MAP2K5: variants seen among roughly 807,000 people sequenced by gnomAD.
MAP2K5 encodes the protein dual specificity mitogen-activated protein kinase kinase 5.
MAP2K5 carries 49 observed loss-of-function variants against 83.1 expected under a neutral mutation model. That is an observed-to-expected ratio of 0.59 (90% CI 0.47 to 0.75). The LOEUF (loss-of-function observed/expected upper bound fraction) is 0.75. Among genes scored for constraint, MAP2K5 ranks in the 30% least tolerant of loss-of-function variants. The probability of loss-of-function intolerance (pLI) is 0.00; values close to 1 mark genes in which losing one functional copy is unlikely to be tolerated. For missense variants in MAP2K5, 457 were observed against 557.5 expected (o/e 0.82, Z 1.82); for synonymous variants, 202 against 191.8 (o/e 1.05, Z -0.44).
At position 67,738,166 on chromosome 15, in the gene MAP2K5, G is replaced by A. The variant is rs1396133619; in HGVS notation, c.1075-10065G>A. 6.6e-6 allele frequency among the ~76,000 whole-genome samples: 1 copy of A among 152,088 alleles called. No homozygotes were observed. The highest frequency in any genetic ancestry group is 1.5e-5 in the Non-Finnish European group (1 of 67,990). On this transcript the variant is annotated intron_variant, in intron 17 of 21. Coordinates refer to ENST00000178640, the MANE Select transcript of MAP2K5 (RefSeq NM_145160.3). The surrounding 1 kb of genome is among the most constrained non-coding windows in gnomAD (Gnocchi z 4.1). ...TGCACTTGGCCTAGAATAGTCTTAT[G>A]AGAGAAGAAGCTATTGGCCTACAGG...
At chr15:67,589,176 C>G (rs1041028087) in intron 6 of MAP2K5, among the ~76,000 whole-genome samples, 8 of 151,976 alleles carry the variant, frequency 5.3e-5, no homozygotes, top group African/African-American at 1.9e-4. Flanking sequence ...TTTTGGATAG[C>G]TTAGGTCACC....
rs984070474 is a variant in MAP2K5 at position 67,786,871 on chromosome 15, C to T, written c.1242+14119C>T. Reference sequence around the variant, plus strand: ...AATAAATGGTAACCATTTTTATCGTCATTGTCATCATCATCACTGCTAATA... The same window carrying T: ...AATAAATGGTAACCATTTTTATCGTTATTGTCATCATCATCACTGCTAATA... On this transcript the variant is annotated intron_variant, in intron 21 of 21. Coordinates refer to ENST00000178640, the MANE Select transcript of MAP2K5 (RefSeq NM_145160.3). This position sits in a 1 kb window ranked among gnomAD's most constrained non-coding sequence, Gnocchi z 4.7. Among the ~76,000 whole-genome samples, 5 of 152,348 alleles carry T rather than the reference C, an allele frequency of 3.3e-5. No individual in the cohort carries two copies. The East Asian group carries it at 9.6e-4, about 29-fold the overall frequency.
At chr15:67,766,210 G>A (rs185725405) in intron 19 of MAP2K5, among the ~76,000 whole-genome samples, 1 of 152,310 alleles carries the variant, frequency 6.6e-6, no homozygotes, top group Non-Finnish European at 1.5e-5. Flanking sequence ...CCCTTCAGCA[G>A]AACTCTAAAG....
chr15:67,718,729 A>G (rs2088885927), intron 16 of MAP2K5, among the ~76,000 whole-genome samples: 1 of 152,108 alleles, frequency 6.6e-6, no homozygotes, highest in African/African-American at 2.4e-5. Context: ...ATGCTACTGC[A>G]CTCCAGCTTG....
In MAP2K5 at chr15:67,780,012, C is replaced by T. The variant is rs912688452; in HGVS notation, c.1242+7260C>T. 2.0e-5 allele frequency among the ~76,000 whole-genome samples: 3 copies of T among 152,164 alleles called. No individual in the cohort carries two copies. The highest frequency in any genetic ancestry group is 6.5e-5 in the Admixed American group (1 of 15,276). ...CTCCCCTCCCCTGGAAGGTCTTGGT[C>T]CTCCTCCCTGCGGCTTTTCCCTACT... is the stretch of plus-strand genomic sequence containing the variant. On this transcript the variant is annotated intron_variant, in intron 21 of 21. Transcript: ENST00000178640. The surrounding 1 kb of genome is among the most constrained non-coding windows in gnomAD (Gnocchi z 5.0).
intron 19 of MAP2K5, among the ~76,000 whole-genome samples, chr15:67,751,165 G>A (rs1038594450): frequency 2.0e-4 from 30 of 152,088 alleles, no homozygotes; most frequent in African/African-American, 6.8e-4. Context: ...GCCAGAGTTA[G>A]CTACCAGATG....
At chr15:67,571,616 A>G (rs189221509) in intron 3 of MAP2K5, among the ~76,000 whole-genome samples, 101 of 151,718 alleles carry the variant, frequency 6.7e-4, no homozygotes, top group Admixed American at 2.8e-3. Context: ...TTTTTCAAGT[A>G]CTTTTTAAGA....
At chr15:67,771,959 C>A (rs1288809487) in intron 20 of MAP2K5, among the ~76,000 whole-genome samples, 1 of 152,246 alleles carries the variant, frequency 6.6e-6, no homozygotes, top group East Asian at 1.9e-4. Context: ...CCCACAGTCA[C>A]CTCCATCCCA....
intron 7 of MAP2K5, among the ~76,000 whole-genome samples, chr15:67,599,021 C>A (rs1596625017): frequency 6.6e-6 from 1 of 152,204 alleles, no homozygotes; most frequent in South Asian, 2.1e-4. Context: ...CTGCTATTTA[C>A]GTTTCCTTCA....
intron 13 of MAP2K5, among the ~76,000 whole-genome samples, chr15:67,689,411 T>G (rs887815941): frequency 2.0e-5 from 3 of 152,122 alleles, no homozygotes; most frequent in Non-Finnish European, 4.4e-5. Context: ...TTGGAAAATA[T>G]GGAGGAAAGG....
At position 67,584,672 on chromosome 15, in the gene MAP2K5, C is replaced by CTTT. The variant is rs36111747; in HGVS notation, c.323-1196_323-1194dup. 7.8e-3 allele frequency among the ~76,000 whole-genome samples: 831 copies of CTTT among 106,064 alleles called. 45 individuals carry two copies. The highest frequency in any genetic ancestry group is 0.027 in the African/African-American group (661 of 24,932). 69.6% of individuals were successfully genotyped at this position (106,064 alleles called of 152,430 possible). The stretch of plus-strand genomic sequence containing the variant: ...TTGTAATTATTACCCATATCTTCTC[C>CTTT]TTTTTTTTTTTTTTTTTTTTTTTTG... On this transcript the variant is annotated intron_variant, in intron 4 of 21. Transcript: ENST00000178640.
rs999143439 is a variant in MAP2K5, at chr15:67,802,044, C to T, written c.1243-4602C>T. ...CAGCACCCACACACTGCGGCAGGCT[C>T]GGAGCCTCCATTCTTGCCCACAAGA... is the stretch of plus-strand genomic sequence containing the variant. On this transcript the variant is annotated intron_variant, in intron 21 of 21. Coordinates refer to ENST00000178640, the MANE Select transcript of MAP2K5 (RefSeq NM_145160.3). The surrounding 1 kb of genome is among the most constrained non-coding windows in gnomAD (Gnocchi z 5.0). Among the ~76,000 whole-genome samples, 1 of 152,164 alleles carries T rather than the reference C, an allele frequency of 6.6e-6. No individual in the cohort carries two copies. Among genetic ancestry groups the T allele is most frequent in the Non-Finnish European group, 1.5e-5 (1 of 68,034 alleles).
At position 67,748,465 on chromosome 15, in the gene MAP2K5, TA is replaced by T. The variant is rs1322700071; in HGVS notation, c.1102-102del. 1 of 1,009,930 alleles carries T rather than the reference TA, an allele frequency of 9.9e-7. No homozygotes were observed. The highest frequency in any genetic ancestry group is 1.5e-6 in the Non-Finnish European group (1 of 662,024). 62.6% of individuals were successfully genotyped at this position (1,009,930 alleles called of 1,614,324 possible). ...TTTATAAGAGTTTGCTGTTGTTGAT[TA>T]ATCTTGCTATATTTTATTGCATTAA... On this transcript the variant is annotated intron_variant, in intron 18 of 21. Transcript: ENST00000178640. The surrounding 1 kb of genome is among the most constrained non-coding windows in gnomAD (Gnocchi z 4.0).
intron 8 of MAP2K5, among the ~76,000 whole-genome samples, chr15:67,624,937 C>T (rs909012859): frequency 1.3e-5 from 2 of 152,106 alleles, no homozygotes; most frequent in Non-Finnish European, 2.9e-5. Flanking sequence ...AGCCAAACAT[C>T]ACCATCTATT....
intron 11 of MAP2K5, among the ~76,000 whole-genome samples, chr15:67,647,826 G>A (rs967809152): frequency 6.6e-6 from 1 of 151,854 alleles, no homozygotes; most frequent in Non-Finnish European, 1.5e-5. Context: ...CCAAGATCGC[G>A]CCACTGCACT....
At chr15:67,628,651 A>G (rs1421960861) in intron 8 of MAP2K5, 6 of 1,031,638 alleles carry the variant, frequency 5.8e-6, no homozygotes, top group Non-Finnish European at 9.0e-6. Context: ...TGTGGATAAG[A>G]CTGTCATTCA....
rs35988425 is a variant in MAP2K5, at chr15:67,737,844, CT to C, written c.1074+9924del. ...AGAACAGCTTGGGGAATAGAATAGTCTTTTTTTTTTTTTTTTTTTTTTTTTG... is the reference window on the plus strand; with the variant it reads ...AGAACAGCTTGGGGAATAGAATAGTCTTTTTTTTTTTTTTTTTTTTTTTTG... On this transcript the variant is annotated intron_variant, in intron 17 of 21. Coordinates refer to ENST00000178640, the MANE Select transcript of MAP2K5 (RefSeq NM_145160.3). Among the ~76,000 whole-genome samples, 76 of 69,298 alleles carry C rather than the reference CT, an allele frequency of 1.1e-3. 1 individual carries two copies. Among genetic ancestry groups the C allele is most frequent in the African/African-American group, 4.3e-3 (72 of 16,752 alleles). 45.5% of individuals were successfully genotyped at this position (69,298 alleles called of 152,430 possible).
chr15:67,646,193 TAGA>T (rs2086828056), intron 9 of MAP2K5, 35 bp from the exon 10 acceptor site: 1 of 845,220 alleles, frequency 1.2e-6, no homozygotes, highest in Non-Finnish European at 1.8e-6. Context: ...CTAATATAAT[TAGA>T]AGATTAAAAA....
intron 19 of MAP2K5, among the ~76,000 whole-genome samples, chr15:67,762,854 C>A (rs977807597): frequency 2.0e-5 from 3 of 152,066 alleles, no homozygotes; most frequent in Non-Finnish European, 4.4e-5. Context: ...GTAGGATGGG[C>A]CTTTCAGTGG....
Sources: gnomAD v4.1 joint callset for allele counts (sites outside exome capture counted in the v4.1 genomes callset) on GRCh38, gnomAD v4.1.1 for gene constraint, Gnocchi (gnomAD v3.1) non-coding constraint, MANE v1.5 for transcripts, NCBI Gene and HGNC (gene_info 2026-07-23, HGNC 2026-07-21) for gene names.